N4BP1: variants seen among roughly 807,000 people sequenced by gnomAD.
N4BP1 encodes the protein NEDD4-binding protein 1.
In N4BP1, 21 loss-of-function variants were observed where a neutral mutation model predicts 70.9. The ratio of observed to expected loss-of-function variants is 0.30; its 90% confidence interval spans 0.21 to 0.43. The LOEUF (loss-of-function observed/expected upper bound fraction) is 0.43, where lower values mean the gene tolerates loss of function less well. Among genes scored for constraint, N4BP1 ranks in the 20% least tolerant of loss-of-function variants. The pLI is 1.00. For missense variants in N4BP1, 936 were observed against 1,069.4 expected, an observed-to-expected ratio of 0.88 and a Z score of 1.74; for synonymous variants, 387 against 394.6, an observed-to-expected ratio of 0.98 and a Z score of 0.23.
At chr16:48,563,933 T>C (rs564707045) in intron 1 of N4BP1, among the ~76,000 whole-genome samples, 5 of 152,368 alleles carry the variant, frequency 3.3e-5, no homozygotes, top group Non-Finnish European at 2.9e-5. Context: ...TTCTAGCTAT[T>C]TGAAACTATA....
At chr16:48,600,759 A>T in intron 1 of N4BP1, 1 of 307,878 alleles carries the variant, frequency 3.2e-6, no homozygotes, top group Non-Finnish European at 6.3e-6. Context: ...AAGTGATTAA[A>T]ATATATCTTT....
intron 1 of N4BP1, among the ~76,000 whole-genome samples, chr16:48,584,620 C>A (rs376932846): frequency 8.6e-5 from 12 of 139,192 alleles, no homozygotes; most frequent in African/African-American, 1.9e-4. Context: ...CAAAAAAAAA[C>A]AAACCCAGGC....
At chr16:48,559,834 G>C (rs560930684) in intron 2 of N4BP1, 1 of 152,182 alleles carries the variant, frequency 6.6e-6, no homozygotes, top group Non-Finnish European at 1.5e-5. Context: ...ATCATTGTTC[G>C]TGCAGATCAA....
At chr16:48,577,788 C>T (rs1403677817) in intron 1 of N4BP1, 4 of 159,310 alleles carry the variant, frequency 2.5e-5, no homozygotes, top group Non-Finnish European at 5.6e-5. Context: ...GTACCGGGGC[C>T]GAGATGACAC....
chr16:48,543,352 G>C (rs2151083937), intron 6 of N4BP1, 91 bp from the exon 7 acceptor site: 1 of 1,091,252 alleles, frequency 9.2e-7, no homozygotes, highest in African/African-American at 1.6e-5. Context: ...CAGGCCTTGA[G>C]GCTCAGGATG....
intron 1 of N4BP1, among the ~76,000 whole-genome samples, chr16:48,580,927 GATT>G (rs1964167382): frequency 6.6e-6 from 1 of 152,028 alleles, no homozygotes; most frequent in Non-Finnish European, 1.5e-5. Context: ...AATATACATA[GATT>G]ATACGCAAAC....
chr16:48,594,903 C>G (rs1964388316), intron 1 of N4BP1, among the ~76,000 whole-genome samples: 1 of 152,054 alleles, frequency 6.6e-6, no homozygotes, highest in African/African-American at 2.4e-5. Context: ...AATGTTTTTT[C>G]ATCCACAGAC....
At chr16:48,606,012 T>G (rs1013020688) in intron 1 of N4BP1, among the ~76,000 whole-genome samples, 1 of 152,160 alleles carries the variant, frequency 6.6e-6, no homozygotes, top group Non-Finnish European at 1.5e-5. Flanking sequence ...TTGCACACAT[T>G]GCAGTTGTTG....
intron 1 of N4BP1, among the ~76,000 whole-genome samples, chr16:48,598,188 T>C (rs1338951091): frequency 2.0e-5 from 3 of 152,230 alleles, no homozygotes; most frequent in Non-Finnish European, 4.4e-5. Context: ...TTAAGATGTT[T>C]TTCTTAGGAA....
At chr16:48,606,076 C>G (rs77860956) in intron 1 of N4BP1, among the ~76,000 whole-genome samples, 1 of 152,150 alleles carries the variant, frequency 6.6e-6, no homozygotes, top group Non-Finnish European at 1.5e-5. Flanking sequence ...TAAGAGGCAA[C>G]GTGATTCTTG....
intron 2 of N4BP1, among the ~76,000 whole-genome samples, chr16:48,558,553 C>T (rs1287791213): frequency 1.3e-5 from 2 of 152,194 alleles, no homozygotes; most frequent in African/African-American, 4.8e-5. Context: ...TGCCTGTTAA[C>T]TACCCCAAAA....
rs1963863808 is a variant in N4BP1 at position 48,561,888 on chromosome 16, T to C, written c.755A>G (p.Asp252Gly). The change falls in exon 2 of 7, where the codon GAC (aspartate) becomes GGC (glycine). Residue 252 changes from aspartate to glycine, a missense_variant. By Grantham distance (94) the Asp-to-Gly change is moderately conservative. Around this residue, in one of 4 missense-constraint regions of N4BP1, gnomAD observed 515 missense variants for 491.7 expected, o/e 1.05. Transcript: ENST00000262384. ...TPVSELTKQM[D>G]TVLSSSPDVL... ...ATCTGGTGAGCTAGAAAGGACTGTG[T>C]CCATTTGTTTTGTAAGCTCAGAAAC... 6.2e-7 allele frequency: 1 copy of C among 1,613,792 alleles called. No homozygotes were observed. Among genetic ancestry groups the C allele is most frequent in the South Asian group, 1.1e-5 (1 of 91,080 alleles).
chr16:48,548,683 C>T (rs1963623042), intron 4 of N4BP1, among the ~76,000 whole-genome samples: 1 of 151,530 alleles, frequency 6.6e-6, no homozygotes, highest in Non-Finnish European at 1.5e-5. Flanking sequence ...CCCGTCTCTA[C>T]AAAAAAATAC....
intron 1 of N4BP1, among the ~76,000 whole-genome samples, chr16:48,590,468 A>G (rs1266935665): frequency 6.6e-6 from 1 of 152,158 alleles, no homozygotes; most frequent in Non-Finnish European, 1.5e-5. Flanking sequence ...GCAGAGGGCA[A>G]GGTGAACCTG....
At chr16:48,592,615 T>G (rs1395648327) in intron 1 of N4BP1, among the ~76,000 whole-genome samples, 1 of 152,226 alleles carries the variant, frequency 6.6e-6, no homozygotes, top group African/African-American at 2.4e-5. Context: ...ATCAGATATT[T>G]TGTCAGAAAA....
chr16:48,592,101 G>A (rs1470234275), intron 1 of N4BP1, among the ~76,000 whole-genome samples: 3 of 152,130 alleles, frequency 2.0e-5, no homozygotes, highest in African/African-American at 7.2e-5. Context: ...ACACTCTACT[G>A]AGAGATGAGA....
chr16:48,598,252 C>T (rs376232604), intron 1 of N4BP1, among the ~76,000 whole-genome samples: 2 of 152,206 alleles, frequency 1.3e-5, no homozygotes, highest in Non-Finnish European at 2.9e-5. Context: ...CCTCACATAA[C>T]CTTACTGCTG....
chr16:48,567,944 A>G (rs940487640), intron 1 of N4BP1, among the ~76,000 whole-genome samples: 1 of 152,046 alleles, frequency 6.6e-6, no homozygotes, highest in South Asian at 2.1e-4. Flanking sequence ...TACCAAGCCA[A>G]TATTTCCCCT....
intron 1 of N4BP1, among the ~76,000 whole-genome samples, chr16:48,603,127 AT>A (rs201683706): frequency 8.6e-5 from 13 of 151,558 alleles, no homozygotes; most frequent in East Asian, 5.8e-4. Flanking sequence ...CTTTAATTAC[AT>A]TTTTTTTTCA....
Sources: allele counts gnomAD v4.1 joint callset (sites outside exome capture counted in the v4.1 genomes callset), GRCh38; gene constraint gnomAD v4.1.1; regional missense constraint gnomAD v4.1.1; transcripts MANE v1.5; gene names NCBI Gene and HGNC (gene_info 2026-07-23, HGNC 2026-07-21).